The following SF3B3 variants were observed in gnomAD, a reference collection of about 807,000 sequenced individuals.
SF3B3 encodes the protein splicing factor 3b subunit 3.
In SF3B3, 33 loss-of-function variants were observed where a neutral mutation model predicts 139.2. The observed-to-expected ratio is 0.24, with a 90% CI of 0.18 to 0.32. The LOEUF is 0.32. SF3B3 is among the 10% of genes least tolerant of loss of function. The probability of loss-of-function intolerance (pLI) is 1.00; values close to 1 mark genes in which losing one functional copy is unlikely to be tolerated. For synonymous variants in SF3B3, 596 were observed against 563.6 expected, an observed-to-expected ratio of 1.06 and a Z score of -0.81; for missense variants, 818 against 1,509.4, an observed-to-expected ratio of 0.54 and a Z score of 7.59.
At position 70,568,460 on chromosome 16, in the gene SF3B3, G is replaced by A. The variant is rs756087067; in HGVS notation, c.3130G>A (p.Val1044Met). 12 of 1,613,850 alleles carry A rather than the reference G, an allele frequency of 7.4e-6. No individual in the cohort carries two copies. The change falls in exon 22 of 26, where the codon GTG becomes ATG. Residue 1044 changes from valine to methionine, a missense_variant. Physicochemically the swap from Val to Met is conservative, Grantham distance 21. Coordinates refer to ENST00000302516, the MANE Select transcript of SF3B3 (RefSeq NM_012426.5). The part of the protein sequence containing the change: ...TTASLLDYDT[V>M]AGADKFGNIC... ...AGCCAGCCTCCTGGACTATGACACT[G>A]TGGCTGGGGCAGACAAGTTTGGCAA...
chr16:70,541,636 T>A, intron 8 of SF3B3, 33 bp from the exon 9 acceptor site: 1 of 1,587,972 alleles, frequency 6.3e-7, no homozygotes, highest in Non-Finnish European at 8.6e-7. Flanking sequence ...GAGAACTCGT[T>A]ACCGAAAGTT....
intron 1 of SF3B3, among the ~76,000 whole-genome samples, chr16:70,525,877 T>C (rs1299420576): frequency 1.4e-5 from 2 of 141,122 alleles, no homozygotes; most frequent in Non-Finnish European, 3.0e-5. Context: ...AGGAGAATGG[T>C]GTGAACCCAG....
intron 20 of SF3B3, 63 bp downstream of exon 20, chr16:70,565,587 A>G (rs2050468050): frequency 6.7e-7 from 1 of 1,489,834 alleles, no homozygotes; most frequent in East Asian, 2.3e-5. Context: ...ACTTTTGCTT[A>G]TGTTATGGAT....
intron 2 of SF3B3, among the ~76,000 whole-genome samples, chr16:70,527,992 A>G (rs185774292): frequency 7.5e-4 from 114 of 151,652 alleles, no homozygotes; most frequent in Non-Finnish European, 1.1e-3. Context: ...GGCCAGGCTG[A>G]TCTCGAATTC....
chr16:70,525,908 C>G (rs1031308620), intron 1 of SF3B3, among the ~76,000 whole-genome samples: 2 of 144,680 alleles, frequency 1.4e-5, no homozygotes, highest in Non-Finnish European at 3.0e-5. Context: ...TTGCAGTAAG[C>G]CAAGATGGCG....
At chr16:70,536,450 G>A (rs1186289981) in intron 6 of SF3B3, among the ~76,000 whole-genome samples, 1 of 151,844 alleles carries the variant, frequency 6.6e-6, no homozygotes, top group Admixed American at 6.6e-5. Context: ...TGCAAGCTCC[G>A]CCTCCCGGGT....
Position 70,565,175 on chromosome 16 carries a change from C to T in SF3B3, c.2574C>T (p.Gly858=). The T allele has an allele frequency of 6.2e-7, 1 of 1,614,168 alleles. No homozygotes were observed. Among genetic ancestry groups the T allele is most frequent in the South Asian group, 1.1e-5 (1 of 91,088 alleles). ...PESIFGAPKA[G]NGQWASVIRV... is the part of the protein sequence containing the mutation. ...CCATCTTTGGAGCTCCCAAGGCTGG[C>T]AATGGGCAGTGGGCCTCTGTGATCC... Residue 858 remains glycine, a synonymous_variant, in exon 19 of 26, where the codon GGC becomes GGT. Transcript: ENST00000302516.
At chr16:70,531,489 C>G (rs2050121396) in intron 4 of SF3B3, among the ~76,000 whole-genome samples, 2 of 152,080 alleles carry the variant, frequency 1.3e-5, no homozygotes, top group East Asian at 3.9e-4. Flanking sequence ...GTTGGCCAGG[C>G]TGGTCTTCTG....
At chr16:70,558,796 C>T (rs2050401767) in intron 15 of SF3B3, among the ~76,000 whole-genome samples, 1 of 151,906 alleles carries the variant, frequency 6.6e-6, no homozygotes, top group Admixed American at 6.6e-5. Context: ...GGGGTTTTGC[C>T]ATGTTGCTCA....
chr16:70,530,644 A>T, intron 3 of SF3B3, 101 bp from the exon 4 acceptor site: 1 of 986,300 alleles, frequency 1.0e-6, no homozygotes, highest in Non-Finnish European at 1.5e-6. Context: ...TACTGCTGTT[A>T]ATAATGATTA....
intron 11 of SF3B3, among the ~76,000 whole-genome samples, chr16:70,549,533 A>G (rs2050301383): frequency 6.6e-6 from 1 of 152,204 alleles, no homozygotes; most frequent in Non-Finnish European, 1.5e-5. Flanking sequence ...GGCCCTTGAA[A>G]GCATTGCCTA....
intron 6 of SF3B3, among the ~76,000 whole-genome samples, chr16:70,536,602 G>C (rs566865680): frequency 1.3e-5 from 2 of 150,838 alleles, no homozygotes; most frequent in Admixed American, 6.6e-5. Flanking sequence ...CTCGTGATCT[G>C]CCCGCCTCGG....
At position 70,563,950 on chromosome 16, in the gene SF3B3, T is replaced by A; in HGVS notation, c.2363T>A (p.Phe788Tyr). 6.2e-7 allele frequency: 1 copy of A among 1,614,096 alleles called. No homozygotes were observed. Among genetic ancestry groups the A allele is most frequent in the Non-Finnish European group, 8.5e-7 (1 of 1,180,012 alleles). Residue 788 changes from phenylalanine to tyrosine, a missense_variant, in exon 18 of 26, where the codon TTT becomes TAT. By Grantham distance (22) the Phe-to-Tyr change is conservative. This residue lies in a region of SF3B3 where 34 missense variants were observed against 30.5 expected (regional missense o/e 1.12). Coordinates refer to ENST00000302516, the MANE Select transcript of SF3B3 (RefSeq NM_012426.5). ...CCACTGCAGTACACACCCAGGAAAT[T>A]TGTCATCCACCCTGAGAGTAACAAC... ...AFPLQYTPRK[F>Y]VIHPESNNLI...
At chr16:70,570,753 T>C (rs2050521577) in intron 24 of SF3B3, among the ~76,000 whole-genome samples, 1 of 152,242 alleles carries the variant, frequency 6.6e-6, no homozygotes, top group African/African-American at 2.4e-5. Flanking sequence ...ATTGATGGGA[T>C]GATCCCTCCT....
At chr16:70,526,234 G>A (rs990586640) in intron 1 of SF3B3, among the ~76,000 whole-genome samples, 1 of 151,684 alleles carries the variant, frequency 6.6e-6, no homozygotes, top group Non-Finnish European at 1.5e-5. Flanking sequence ...TTGAGATGAG[G>A]TCTCATTCTG....
intron 13 of SF3B3, 108 bp downstream of exon 13, chr16:70,555,314 C>G: frequency 9.2e-7 from 1 of 1,081,828 alleles, no homozygotes; most frequent in South Asian, 1.4e-5. Flanking sequence ...CCTGTCTCTA[C>G]TAAAAATACA....
chr16:70,544,632 G>A (rs1307580720), intron 10 of SF3B3, 99 bp downstream of exon 10: 10 of 715,836 alleles, frequency 1.4e-5, no homozygotes, highest in Admixed American at 1.2e-4. Flanking sequence ...CATAGTTAAG[G>A]TGTCTGTGAA....
In SF3B3 at chr16:70,574,914, G is replaced by T. The variant is rs1186686504; in HGVS notation, c.*3101G>T. 1 of 152,194 alleles carries T rather than the reference G, an allele frequency of 6.6e-6. No individual in the cohort carries two copies. The highest frequency in any genetic ancestry group is 2.4e-5 in the African/African-American group (1 of 41,452). The allele number at this position is 152,194 out of a possible 1,614,324, so 9.4% of individuals were successfully genotyped here. On this transcript the variant is annotated 3_prime_UTR_variant, in exon 26 of 26. Coordinates refer to ENST00000302516, the MANE Select transcript of SF3B3 (RefSeq NM_012426.5). ...ACACCCTTAAAATTAATTTTCAAGG[G>T]CTATATGTAGAGCTCAGAAGAAACA... is the stretch of plus-strand genomic sequence containing the variant.
At chr16:70,547,006 C>G (rs561578751) in intron 10 of SF3B3, among the ~76,000 whole-genome samples, 3 of 151,160 alleles carry the variant, frequency 2.0e-5, no homozygotes, top group Non-Finnish European at 4.4e-5. Flanking sequence ...CGAGCCTGGG[C>G]GACAGAGCGA....
Sources: allele counts gnomAD v4.1 joint callset (sites outside exome capture counted in the v4.1 genomes callset), GRCh38; gene constraint gnomAD v4.1.1; regional missense constraint gnomAD v4.1.1; transcripts MANE v1.5; gene names NCBI Gene and HGNC (gene_info 2026-07-23, HGNC 2026-07-21).